Variants in HCN1 observed in about 807,000 individuals in gnomAD.
The protein encoded by HCN1 is potassium/sodium hyperpolarization-activated cyclic nucleotide-gated channel 1.
A neutral mutation model predicts 78.9 loss-of-function variants in HCN1; 13 were observed. The ratio of observed to expected loss-of-function variants is 0.16; its 90% CI spans 0.11 to 0.26. The LOEUF (loss-of-function observed/expected upper bound fraction) is 0.26. Among genes scored for constraint, HCN1 ranks in the 10% least tolerant of loss-of-function variants. The probability of loss-of-function intolerance (pLI) is 1.00; values close to 1 mark genes in which losing one functional copy is unlikely to be tolerated. For missense variants in HCN1, 810 were observed against 1,154.3 expected, an observed-to-expected ratio of 0.70 and a Z score of 4.32; for synonymous variants, 552 against 455.5, an observed-to-expected ratio of 1.21 and a Z score of -2.70.
chr5:45,548,647 G>T lies in HCN1; in HGVS notation c.850-86640C>A, dbSNP rs770997887. On this transcript the variant is annotated intron_variant, in intron 2 of 7. Transcript: ENST00000303230. ...CATAGTGTTGGAAGTTCTGGCCAGG[G>T]CTATCAGGCAAGAGAAGGAAATAAA... Among the ~76,000 whole-genome samples the T allele has an allele frequency of 1.1e-3, 160 of 152,060 alleles. 1 individual carries two copies. The highest frequency in any genetic ancestry group is 1.9e-3 in the Non-Finnish European group (129 of 68,014).
intron 1 of HCN1, among the ~76,000 whole-genome samples, chr5:45,671,406 G>A (rs941118151): frequency 1.3e-5 from 2 of 150,936 alleles, no homozygotes; most frequent in African/African-American, 4.9e-5. Context: ...ACTATATATA[G>A]TACTATATAT....
In HCN1 at chr5:45,479,253, G is replaced by C. The variant is rs187081617; in HGVS notation, c.850-17246C>G. Among the ~76,000 whole-genome samples, 6 of 152,252 alleles carry C rather than the reference G, an allele frequency of 3.9e-5. No homozygotes were observed. In the East Asian group the frequency reaches 1.2e-3, roughly 29 times the overall value. On this transcript the variant is annotated intron_variant, in intron 2 of 7. Transcript: ENST00000303230. ...TAGCATCTGAAAACGAGTGTGGAAA[G>C]GAAGGGGAATCAGGGTAAAGAGAAT...
intron 3 of HCN1, among the ~76,000 whole-genome samples, chr5:45,404,510 T>C (rs1201489409): frequency 6.6e-6 from 1 of 151,464 alleles, no homozygotes; most frequent in Non-Finnish European, 1.5e-5. Flanking sequence ...TTTTTTTTTT[T>C]TGAGGAAAAG....
chr5:45,257,171 C>T lies in HCN1; in HGVS notation c.*4750G>A, dbSNP rs1744631833. On this transcript the variant is annotated 3_prime_UTR_variant, in exon 8 of 8. Transcript: ENST00000303230. ...ACAGACATTTCAATGTGAATCCTCC[C>T]CGTTGATAAGCTTAAATTAAGAATA... 6.6e-6 allele frequency: 1 copy of T among 152,152 alleles called. No homozygotes were observed. Among genetic ancestry groups the T allele is most frequent in the Non-Finnish European group, 1.5e-5 (1 of 68,040 alleles). The allele number at this position is 152,152 out of a possible 1,614,324, so 9.4% of individuals were successfully genotyped here.
In HCN1 at chr5:45,376,778, T is replaced by C. The variant is rs566130150; in HGVS notation, c.1230+19714A>G. ...CTGGGATTCTGAACCATGTATTTTATACATAGAACACATGCTCACTTTTTT... is the reference window on the plus strand; with the variant it reads ...CTGGGATTCTGAACCATGTATTTTACACATAGAACACATGCTCACTTTTTT... On this transcript the variant is annotated intron_variant, in intron 4 of 7. Transcript: ENST00000303230. 2.0e-5 allele frequency among the ~76,000 whole-genome samples: 3 copies of C among 151,974 alleles called. No homozygotes were observed. The East Asian group carries it at 5.8e-4, about 29-fold the overall frequency.
intron 4 of HCN1, among the ~76,000 whole-genome samples, chr5:45,366,727 C>T (rs771284585): frequency 2.1e-4 from 32 of 151,856 alleles, no homozygotes; most frequent in Non-Finnish European, 4.6e-4. Flanking sequence ...AGCAACATAT[C>T]TGATGAAGAA....
At chr5:45,494,137 A>C (rs925139963) in intron 2 of HCN1, among the ~76,000 whole-genome samples, 133 of 152,242 alleles carry the variant, frequency 8.7e-4, no homozygotes, top group Admixed American at 7.1e-3. Context: ...GGCTGGGTTA[A>C]ATGGTATTTC....
At chr5:45,402,977 A>T (rs1654188756) in intron 3 of HCN1, among the ~76,000 whole-genome samples, 1 of 151,660 alleles carries the variant, frequency 6.6e-6, no homozygotes, top group African/African-American at 2.4e-5. Flanking sequence ...TTGAGCTGTA[A>T]CCTCAAATTC....
intron 2 of HCN1, among the ~76,000 whole-genome samples, chr5:45,517,537 A>AAAC (rs1561185545): frequency 1.3e-5 from 2 of 150,898 alleles, no homozygotes; most frequent in African/African-American, 4.8e-5. Context: ...AAAAAAAAAA[A>AAAC]AAAAAAACAT....
intron 2 of HCN1, among the ~76,000 whole-genome samples, chr5:45,579,330 A>G (rs1175111989): frequency 1.3e-5 from 2 of 152,066 alleles, no homozygotes; most frequent in African/African-American, 4.8e-5. Context: ...TTTTTCCTAC[A>G]GTCATCATCA....
chr5:45,636,547 A>G (rs1338194484), intron 2 of HCN1, among the ~76,000 whole-genome samples: 1 of 152,104 alleles, frequency 6.6e-6, no homozygotes, highest in African/African-American at 2.4e-5. Flanking sequence ...TATTTTGGGG[A>G]TAAGTAATGC....
chr5:45,380,358 G>A (rs981931919), intron 4 of HCN1, among the ~76,000 whole-genome samples: 2 of 152,068 alleles, frequency 1.3e-5, no homozygotes, highest in South Asian at 2.1e-4. Flanking sequence ...AACAAAATGG[G>A]AATTAAGCTT....
chr5:45,602,344 T>C (rs571484753), intron 2 of HCN1, among the ~76,000 whole-genome samples: 8 of 152,142 alleles, frequency 5.3e-5, no homozygotes, highest in Non-Finnish European at 7.4e-5. Flanking sequence ...GAAGAGGTCA[T>C]TTGGACACAC....
chr5:45,522,564 C>G (rs1355413450), intron 2 of HCN1, among the ~76,000 whole-genome samples: 1 of 151,330 alleles, frequency 6.6e-6, no homozygotes, highest in African/African-American at 2.4e-5. Context: ...AAAAGATACT[C>G]TGACTTAGTA....
At chr5:45,457,287 T>C (rs1008334734) in intron 3 of HCN1, among the ~76,000 whole-genome samples, 1 of 152,112 alleles carries the variant, frequency 6.6e-6, no homozygotes, top group African/African-American at 2.4e-5. Context: ...AATGAATATT[T>C]CATACTTGTA....
At position 45,396,418 on chromosome 5, in the gene HCN1, T is replaced by C. The variant is rs899426989; in HGVS notation, c.1230+74A>G. ...TTTTTTATAGAGGAGATGGTGTAGT[T>C]ATCTTGAACACAATTCAATTTACTG... On this transcript the variant is annotated intron_variant, in intron 4 of 7. Coordinates refer to ENST00000303230, the MANE Select transcript of HCN1 (RefSeq NM_021072.4). 9 of 1,146,948 alleles carry C rather than the reference T, an allele frequency of 7.8e-6. No individual in the cohort carries two copies. The Admixed American group carries it at 1.8e-4, about 22-fold the overall frequency. 71.0% of individuals were successfully genotyped at this position (1,146,948 alleles called of 1,614,324 possible).
At chr5:45,379,101 T>C (rs545462069) in intron 4 of HCN1, among the ~76,000 whole-genome samples, 2 of 152,260 alleles carry the variant, frequency 1.3e-5, no homozygotes, top group South Asian at 2.1e-4. Flanking sequence ...TGTGTCTTTA[T>C]AGCAGCATGA....
chr5:45,326,862 G>A (rs576261522), intron 5 of HCN1, among the ~76,000 whole-genome samples: 2 of 151,670 alleles, frequency 1.3e-5, no homozygotes, highest in South Asian at 4.1e-4. Context: ...CCACTGCTTT[G>A]CCTTACTAGA....
intron 5 of HCN1, among the ~76,000 whole-genome samples, chr5:45,349,563 CA>C (rs1746838414): frequency 6.6e-6 from 1 of 152,004 alleles, no homozygotes; most frequent in Non-Finnish European, 1.5e-5. Context: ...AAAAACCCTT[CA>C]AAAAATTAAA....
Sources: gnomAD v4.1 joint callset for allele counts (sites outside exome capture counted in the v4.1 genomes callset) on GRCh38, gnomAD v4.1.1 for gene constraint, MANE v1.5 for transcripts, NCBI Gene and HGNC (gene_info 2026-07-23, HGNC 2026-07-21) for gene names.